Variants in EFL1 observed in about 807,000 individuals in gnomAD.
The protein encoded by EFL1 is elongation factor-like GTPase 1.
EFL1 carries 76 observed loss-of-function variants against 126.7 expected under a neutral mutation model. The observed-to-expected ratio is 0.60, with a 90% CI of 0.50 to 0.73. The LOEUF is 0.73. Ranked by LOEUF, EFL1 falls within the 30% of genes least tolerant of loss-of-function variation. EFL1 has a pLI of 0.00. For missense variants in EFL1, 1,128 were observed against 1,343.2 expected (o/e 0.84, Z 2.50); for synonymous variants, 410 against 448.4 (o/e 0.91, Z 1.08).
chr15:82,191,499 A>G (rs1199606574), intron 15 of EFL1, among the ~76,000 whole-genome samples: 1 of 152,118 alleles, frequency 6.6e-6, no homozygotes, highest in Non-Finnish European at 1.5e-5. Flanking sequence ...GGTACTATGA[A>G]AACATAAGGT....
intron 11 of EFL1, among the ~76,000 whole-genome samples, chr15:82,226,700 G>A (rs1472786425): frequency 2.6e-5 from 4 of 152,176 alleles, no homozygotes; most frequent in Non-Finnish European, 5.9e-5. Context: ...ACACATAATC[G>A]TGGGAATTAT....
chr15:82,139,544 T>G lies in EFL1; in HGVS notation c.2990-702A>C, dbSNP rs149045826. Among the ~76,000 whole-genome samples, 145 of 152,244 alleles carry G rather than the reference T, an allele frequency of 9.5e-4. 2 individuals carry two copies. The East Asian group carries it at 0.02, about 21-fold the overall frequency. On this transcript the variant is annotated intron_variant, in intron 18 of 19. Transcript: ENST00000268206. ...CCTCACACTCAGGAGGGAAACATCTTCCCCTCTGACTGGTGTTCTGTATGA... is the reference window on the plus strand; with the variant it reads ...CCTCACACTCAGGAGGGAAACATCTGCCCCTCTGACTGGTGTTCTGTATGA...
intron 14 of EFL1, among the ~76,000 whole-genome samples, chr15:82,215,073 T>C (rs1187061055): frequency 1.3e-5 from 2 of 152,214 alleles, no homozygotes; most frequent in African/African-American, 4.8e-5. Flanking sequence ...ATTGTCTAGA[T>C]TCCCATTTAA....
chr15:82,181,622 A>G (rs868575207), intron 15 of EFL1, among the ~76,000 whole-genome samples: 14 of 149,466 alleles, frequency 9.4e-5, no homozygotes, highest in African/African-American at 2.2e-4. Context: ...ATGTGTGTGC[A>G]TGTGTGTGTG....
At chr15:82,164,371 C>T (rs899310957) in intron 15 of EFL1, among the ~76,000 whole-genome samples, 15 of 152,074 alleles carry the variant, frequency 9.9e-5, no homozygotes, top group African/African-American at 3.6e-4. Flanking sequence ...TAATCTTCTG[C>T]CAAATCCATC....
intron 15 of EFL1, among the ~76,000 whole-genome samples, chr15:82,210,626 C>T (rs2074573905): frequency 6.6e-6 from 1 of 151,988 alleles, no homozygotes; most frequent in Admixed American, 6.6e-5. Flanking sequence ...CTTTGAGGGG[C>T]AGAAGCAGGC....
rs60762918 is a variant in EFL1 at position 82,234,404 on chromosome 15, C to T, written c.732-3433G>A. On this transcript the variant is annotated intron_variant, in intron 7 of 19. Transcript: ENST00000268206. ...AAAGGTGATAATGACAACCCATCAA[C>T]CATATATGAAAAGTACAAATTCTCA... Among the ~76,000 whole-genome samples, 43 of 152,270 alleles carry T rather than the reference C, an allele frequency of 2.8e-4. 1 individual carries two copies. Among genetic ancestry groups the T allele is most frequent in the African/African-American group, 9.9e-4 (41 of 41,542 alleles).
At chr15:82,218,501 A>G (rs1402864506) in intron 14 of EFL1, among the ~76,000 whole-genome samples, 1 of 152,246 alleles carries the variant, frequency 6.6e-6, no homozygotes, top group African/African-American at 2.4e-5. Flanking sequence ...AATGCCAAAT[A>G]AATCAATGTT....
intron 12 of EFL1, among the ~76,000 whole-genome samples, chr15:82,224,708 C>T (rs1396796846): frequency 1.3e-5 from 2 of 152,278 alleles, no homozygotes; most frequent in South Asian, 4.1e-4. Flanking sequence ...ATGTAGAAGA[C>T]ACAGATTCCC....
At position 82,219,833 on chromosome 15, in the gene EFL1, A is replaced by G. The variant is rs1397154235; in HGVS notation, c.1445-15T>C. On this transcript the variant is annotated splice_polypyrimidine_tract_variant and intron_variant, in intron 13 of 19. Coordinates refer to ENST00000268206, the MANE Select transcript of EFL1 (RefSeq NM_024580.6). ...TTGCTCGTCACCTGACAGAAACAAA[A>G]AGATAATTAGTGCCAAGAATGCCCT... The G allele has an allele frequency of 2.5e-6, 4 of 1,596,414 alleles. No individual in the cohort carries two copies. The highest frequency in any genetic ancestry group is 4.5e-5 in the East Asian group (2 of 44,728).
intron 15 of EFL1, among the ~76,000 whole-genome samples, chr15:82,176,316 G>A (rs1047339168): frequency 2.0e-5 from 3 of 152,228 alleles, no homozygotes; most frequent in Admixed American, 2.0e-4. Flanking sequence ...AGCGTTAGTC[G>A]TAAAAGAAAA....
At chr15:82,189,853 C>T (rs1045567287) in intron 15 of EFL1, among the ~76,000 whole-genome samples, 3 of 152,152 alleles carry the variant, frequency 2.0e-5, no homozygotes, top group Admixed American at 6.5e-5. Flanking sequence ...CAGTGGCTCA[C>T]GCCTGTAATC....
chr15:82,180,878 G>T (rs2141259894), intron 15 of EFL1, among the ~76,000 whole-genome samples: 1 of 151,976 alleles, frequency 6.6e-6, no homozygotes, highest in East Asian at 1.9e-4. Context: ...ACAAGCTCAG[G>T]CTACTATCCT....
In EFL1 at chr15:82,256,703, T is replaced by C. The variant is rs1354879841; in HGVS notation, c.159+2385A>G. Among the ~76,000 whole-genome samples, 5 of 152,360 alleles carry C rather than the reference T, an allele frequency of 3.3e-5. No individual in the cohort carries two copies. In the East Asian group the frequency reaches 9.6e-4, roughly 29 times the overall value. ...CAAAGAGGTTTTATCACAATAGATG[T>C]TGAATTTTACTACATGTCTTTATAT... On this transcript the variant is annotated intron_variant, in intron 3 of 19. Transcript: ENST00000268206.
At position 82,138,647 on chromosome 15, in the gene EFL1, T is replaced by C; in HGVS notation, c.3174+11A>G. 6.2e-7 allele frequency: 1 copy of C among 1,612,138 alleles called. No homozygotes were observed. The highest frequency in any genetic ancestry group is 1.1e-5 in the South Asian group (1 of 90,792). ...GAGAAGGAAGGAATGAATGGGAACT[T>C]GGATTTTTACCTCCCAATGGCTGAA... On this transcript the variant is annotated intron_variant, in intron 19 of 19. Transcript: ENST00000268206.
rs148770908 is a variant in EFL1, at chr15:82,245,843, G to A, written c.245-4440C>T. On this transcript the variant is annotated intron_variant, in intron 4 of 19. Coordinates refer to ENST00000268206, the MANE Select transcript of EFL1 (RefSeq NM_024580.6). ...TTAGCTACTCGGGAGGCTGAGGCAG[G>A]AGGACTGCTTGAGCCTAGGAGTTCT... Among the ~76,000 whole-genome samples, 102 of 151,872 alleles carry A rather than the reference G, an allele frequency of 6.7e-4. 3 individuals are homozygous for A. The East Asian group carries it at 0.017, about 26-fold the overall frequency.
intron 15 of EFL1, among the ~76,000 whole-genome samples, chr15:82,200,302 A>T (rs2074453612): frequency 6.6e-6 from 1 of 152,224 alleles, no homozygotes; most frequent in Non-Finnish European, 1.5e-5. Context: ...TTTAAAAAAG[A>T]GGGAAAGCAG....
At chr15:82,157,183 G>A (rs905291744) in intron 17 of EFL1, among the ~76,000 whole-genome samples, 1 of 152,102 alleles carries the variant, frequency 6.6e-6, no homozygotes, top group Non-Finnish European at 1.5e-5. Context: ...ATAACTGAAT[G>A]ATTCTTTTTC....
At chr15:82,196,512 A>G (rs762478828) in intron 15 of EFL1, among the ~76,000 whole-genome samples, 3 of 152,260 alleles carry the variant, frequency 2.0e-5, no homozygotes, top group Non-Finnish European at 4.4e-5. Flanking sequence ...TACACAGAAA[A>G]TAAAATTATA....
Sources: allele counts gnomAD v4.1 joint callset (sites outside exome capture counted in the v4.1 genomes callset), GRCh38; gene constraint gnomAD v4.1.1; transcripts MANE v1.5; gene names NCBI Gene and HGNC (gene_info 2026-07-23, HGNC 2026-07-21).